The following DCTN4 variants were observed in gnomAD, a reference collection of about 807,000 sequenced individuals.
DCTN4 encodes the protein dynactin 4 (p62).
A neutral mutation model predicts 62.7 loss-of-function variants in DCTN4; 23 were observed. That is an observed-to-expected ratio of 0.37 (90% CI 0.26 to 0.52). DCTN4 has a LOEUF of 0.52. DCTN4 is among the 20% of genes least tolerant of loss of function. The pLI, the probability that DCTN4 is intolerant of heterozygous loss-of-function variation, is 0.92. For missense variants in DCTN4, 514 were observed against 580.4 expected (o/e 0.89, Z 1.18); for synonymous variants, 199 against 202.1 (o/e 0.98, Z 0.13).
At chr5:150,728,388 T>C (rs1052509783) in intron 8 of DCTN4, among the ~76,000 whole-genome samples, 1 of 152,200 alleles carries the variant, frequency 6.6e-6, no homozygotes, top group African/African-American at 2.4e-5. Context: ...AGACATTGGG[T>C]ACAGTAGTCT....
intron 3 of DCTN4, among the ~76,000 whole-genome samples, chr5:150,746,515 T>G (rs1760970175): frequency 1.3e-5 from 2 of 152,144 alleles, no homozygotes; most frequent in Non-Finnish European, 2.9e-5. Context: ...ATATCCTTGA[T>G]GAACATTGAT....
At chr5:150,736,491 T>A (rs1354048842) in intron 4 of DCTN4, among the ~76,000 whole-genome samples, 2 of 152,206 alleles carry the variant, frequency 1.3e-5, no homozygotes, top group African/African-American at 4.8e-5. Flanking sequence ...AACCAAGAAT[T>A]CTGTATCCAG....
chr5:150,757,610 T>C (rs1040545620), intron 1 of DCTN4, among the ~76,000 whole-genome samples: 5 of 152,150 alleles, frequency 3.3e-5, no homozygotes, highest in Admixed American at 3.3e-4. Context: ...GGAGCTGGAA[T>C]AGGGAATCAT....
intron 3 of DCTN4, among the ~76,000 whole-genome samples, chr5:150,750,812 T>C (rs1752644095): frequency 6.6e-6 from 1 of 152,158 alleles, no homozygotes; most frequent in East Asian, 1.9e-4. Context: ...GAGAGGAAGA[T>C]AAAGTAGGGG....
At chr5:150,756,987 C>T (rs1752888463) in intron 1 of DCTN4, among the ~76,000 whole-genome samples, 1 of 152,072 alleles carries the variant, frequency 6.6e-6, no homozygotes, top group African/African-American at 2.4e-5. Context: ...CTATGGCCAA[C>T]CAATTAGAGA....
intron 8 of DCTN4, among the ~76,000 whole-genome samples, chr5:150,724,826 A>G (rs1260436819): frequency 6.6e-6 from 1 of 152,158 alleles, no homozygotes; most frequent in Non-Finnish European, 1.5e-5. Flanking sequence ...ATACAGAAAA[A>G]GTGCATACCT....
intron 8 of DCTN4, among the ~76,000 whole-genome samples, chr5:150,728,246 TAAAA>T (rs1208059695): frequency 1.3e-5 from 2 of 152,182 alleles, no homozygotes; most frequent in Non-Finnish European, 2.9e-5. Context: ...TTCTTGTTAA[TAAAA>T]ACTTTCTTTT....
chr5:150,723,872 T>C (rs1009485053), intron 8 of DCTN4, among the ~76,000 whole-genome samples: 8 of 152,228 alleles, frequency 5.3e-5, no homozygotes, highest in African/African-American at 1.9e-4. Context: ...TATTCTATCT[T>C]GGAATTAATT....
At chr5:150,737,330 C>T (rs1282497928) in intron 4 of DCTN4, among the ~76,000 whole-genome samples, 1 of 152,128 alleles carries the variant, frequency 6.6e-6, no homozygotes, top group Non-Finnish European at 1.5e-5. Context: ...TTCATTAGCA[C>T]ATAGAATATT....
intron 8 of DCTN4, among the ~76,000 whole-genome samples, chr5:150,724,281 T>C (rs1760060946): frequency 1.3e-5 from 2 of 152,210 alleles, no homozygotes; most frequent in Non-Finnish European, 2.9e-5. Context: ...CTGCCATAAC[T>C]TGAATGTTAG....
intron 9 of DCTN4, 30 bp from the exon 10 acceptor site, chr5:150,719,800 T>C: frequency 7.3e-7 from 1 of 1,374,180 alleles, no homozygotes; most frequent in Non-Finnish European, 1.0e-6. Flanking sequence ...TGCATTAATG[T>C]TCATTGGAGT....
intron 2 of DCTN4, among the ~76,000 whole-genome samples, chr5:150,755,139 A>G (rs1752811623): frequency 6.6e-6 from 1 of 152,348 alleles, no homozygotes; most frequent in Admixed American, 6.5e-5. Flanking sequence ...CAAAGCTGAA[A>G]TAATTTGAGC....
chr5:150,721,282 G>T (rs566762849), intron 9 of DCTN4, among the ~76,000 whole-genome samples: 1 of 152,118 alleles, frequency 6.6e-6, no homozygotes, highest in South Asian at 2.1e-4. Context: ...CCTTGTTAAT[G>T]GTTAATCAGT....
At chr5:150,747,044 C>A (rs958793556) in intron 3 of DCTN4, among the ~76,000 whole-genome samples, 4 of 152,022 alleles carry the variant, frequency 2.6e-5, no homozygotes, top group Non-Finnish European at 5.9e-5. Context: ...AAAACCCCAT[C>A]GTCTCAGCCC....
chr5:150,713,232 A>T (rs1321715181), intron 12 of DCTN4, among the ~76,000 whole-genome samples: 1 of 152,166 alleles, frequency 6.6e-6, no homozygotes, highest in Admixed American at 6.5e-5. Flanking sequence ...TTTCCCAGGC[A>T]ACCACTGATA....
At chr5:150,726,185 A>G (rs989152799) in intron 8 of DCTN4, among the ~76,000 whole-genome samples, 3 of 152,230 alleles carry the variant, frequency 2.0e-5, no homozygotes, top group Non-Finnish European at 2.9e-5. Flanking sequence ...GAGTTCCAGT[A>G]TTTATGTGAA....
chr5:150,712,232 C>T lies in DCTN4; in HGVS notation c.1170-870G>A, dbSNP rs953749606. On this transcript the variant is annotated intron_variant, in intron 12 of 12. Coordinates refer to ENST00000447998, the MANE Select transcript of DCTN4 (RefSeq NM_016221.4). ...GCAACCTCCGCCTCCTGGGTTCCAG[C>T]GATTCTCCTGCCTCGGCCTCCTGAG... is the stretch of plus-strand genomic sequence containing the variant. Among the ~76,000 whole-genome samples, 10 of 151,438 alleles carry T rather than the reference C, an allele frequency of 6.6e-5. 1 individual carries two copies. Among genetic ancestry groups the T allele is most frequent in the East Asian group, 1.9e-4 (1 of 5,142 alleles).
At chr5:150,723,372 G>A (rs1035519797) in intron 8 of DCTN4, among the ~76,000 whole-genome samples, 55 of 152,196 alleles carry the variant, frequency 3.6e-4, no homozygotes, top group Non-Finnish European at 2.8e-4. Flanking sequence ...TATACAGGAA[G>A]GGTAAGTAAC....
chr5:150,758,853 T>C lies in DCTN4; in HGVS notation c.135+6A>G, dbSNP rs2113170649. The C allele has an allele frequency of 6.2e-7, 1 of 1,613,472 alleles. No homozygotes were observed. The highest frequency in any genetic ancestry group is 8.5e-7 in the Non-Finnish European group (1 of 1,179,658). On this transcript the variant is annotated splice_donor_region_variant and intron_variant, in intron 1 of 12. Transcript: ENST00000447998. ...CCACATACTCGCTATAGGGCGACTC[T>C]GTTACCTCGTGAGACACACATTCCA...
Sources: allele counts gnomAD v4.1 joint callset (sites outside exome capture counted in the v4.1 genomes callset), GRCh38; gene constraint gnomAD v4.1.1; transcripts MANE v1.5; gene names NCBI Gene and HGNC (gene_info 2026-07-23, HGNC 2026-07-21).